ADAMTS18: variants seen among roughly 807,000 people sequenced by gnomAD.
ADAMTS18 encodes ADAM metallopeptidase with thrombospondin type 1 motif 18.
ADAMTS18 carries 157 observed loss-of-function variants against 165.9 expected under a neutral mutation model. That is an observed-to-expected ratio of 0.95 (90% confidence interval 0.83 to 1.08). The LOEUF (loss-of-function observed/expected upper bound fraction) is 1.08, where lower values mean the gene tolerates loss of function less well. Ranked by LOEUF, ADAMTS18 falls within the 50% of genes least tolerant of loss-of-function variation. The probability of loss-of-function intolerance (pLI) is 0.00; values close to 1 mark genes in which losing one functional copy is unlikely to be tolerated. For missense variants in ADAMTS18, 2,040 were observed against 1,534.0 expected, an observed-to-expected ratio of 1.33 and a Z score of -5.51; for synonymous variants, 782 against 578.2, an observed-to-expected ratio of 1.35 and a Z score of -5.06.
intron 16 of ADAMTS18, among the ~76,000 whole-genome samples, chr16:77,316,415 C>A (rs887945908): frequency 1.3e-5 from 2 of 151,586 alleles, no homozygotes; most frequent in African/African-American, 4.8e-5. Context: ...CCACCATACC[C>A]AGCTAATTTT....
intron 18 of ADAMTS18, among the ~76,000 whole-genome samples, chr16:77,296,429 T>C (rs2055473755): frequency 6.6e-6 from 1 of 152,214 alleles, no homozygotes; most frequent in African/African-American, 2.4e-5. Flanking sequence ...TTTTAAATTC[T>C]TGGACCATTT....
At position 77,293,254 on chromosome 16, in the gene ADAMTS18, G is replaced by T. The variant is rs778665951; in HGVS notation, c.3011C>A (p.Ser1004Tyr). The part of the protein sequence containing the change: ...QWSLGPWSQC[S>Y]KTCGRGVRKR... ...CCTCACCCCTCGTCCACAGGTCTTG[G>T]AACACTTGAGAAGACAAAAAAGTTC... Residue 1004 changes from serine (S) to tyrosine (Y), a missense_variant, in exon 20 of 23, where the codon TCC becomes TAC. Ser to Tyr is a moderately radical substitution (Grantham distance 144). Transcript: ENST00000282849. 1 of 1,613,036 alleles carries T rather than the reference G, an allele frequency of 6.2e-7. No homozygotes were observed. The highest frequency in any genetic ancestry group is 1.3e-5 in the African/African-American group (1 of 74,632).
At position 77,373,135 on chromosome 16, in the gene ADAMTS18, T is replaced by C. The variant is rs1387448194; in HGVS notation, c.496-5412A>G. Among the ~76,000 whole-genome samples, 8 of 152,186 alleles carry C rather than the reference T, an allele frequency of 5.3e-5. No homozygotes were observed. The East Asian group carries it at 1.3e-3, about 26-fold the overall frequency. ...AATTCACTTGGCTTTCTGGTGCTCA[T>C]TGCTGATGTCTCAATTTAAACACCA... On this transcript the variant is annotated intron_variant, in intron 3 of 22. Transcript: ENST00000282849.
At chr16:77,346,708 T>C (rs115530997) in intron 10 of ADAMTS18, among the ~76,000 whole-genome samples, 460 of 152,294 alleles carry the variant, frequency 3.0e-3, no homozygotes, top group African/African-American at 0.011. Flanking sequence ...TATGCCTGAG[T>C]TTATTGCCCA....
At chr16:77,364,016 T>C (rs1434127242) in intron 5 of ADAMTS18, 131 bp from the exon 6 acceptor site, 1 of 1,241,280 alleles carries the variant, frequency 8.1e-7, no homozygotes, top group African/African-American at 1.5e-5. Context: ...TACAATTTCC[T>C]CAAAACTCAA....
chr16:77,332,534 C>T (rs192310865), intron 12 of ADAMTS18, among the ~76,000 whole-genome samples: 1 of 152,122 alleles, frequency 6.6e-6, no homozygotes, highest in African/African-American at 2.4e-5. Flanking sequence ...TACATAAACC[C>T]AAGTCAAATG....
chr16:77,325,719 T>C, intron 13 of ADAMTS18, 147 bp downstream of exon 13: 3 of 755,044 alleles, frequency 4.0e-6, no homozygotes, highest in South Asian at 2.4e-5. Context: ...ACAAAACCCA[T>C]GGAATGAAAC....
intron 10 of ADAMTS18, among the ~76,000 whole-genome samples, chr16:77,350,603 T>C (rs1180014755): frequency 2.0e-5 from 3 of 152,198 alleles, no homozygotes; most frequent in Admixed American, 6.5e-5. Context: ...AGCTAGGTCT[T>C]TGTGACTCCC....
rs143163746 is a variant in ADAMTS18, at chr16:77,432,668, C to T, written c.179-1057G>A. Among the ~76,000 whole-genome samples, 911 of 151,938 alleles carry T rather than the reference C, an allele frequency of 6.0e-3. 9 individuals carry two copies. Among genetic ancestry groups the T allele is most frequent in the Middle Eastern group, 0.051 (15 of 294 alleles). On this transcript the variant is annotated intron_variant, in intron 2 of 22. Transcript: ENST00000282849. ...TGTTTAGAAAGCTGTTGAATAATGA[C>T]GAGGTATGTTTGAGTCACTTGGGTC...
Position 77,283,988 on chromosome 16 carries a change from G to GTTTTCCGTAAAACTTGT in ADAMTS18, c.3617_3633dup (p.Gln1212ThrfsTer41). On this transcript the variant is annotated frameshift_variant, in exon 23 of 23. Coordinates refer to ENST00000282849, the MANE Select transcript of ADAMTS18 (RefSeq NM_199355.4). LOFTEE classifies it high-confidence loss of function. The stretch of plus-strand genomic sequence containing the variant: ...TTCCTTGTGCATGACTTGCAGCATT[G>GTTTTCCGTAAAACTTGT]TTTTCCGTAAAACTTGTGGTTGCAG... 1 of 1,613,880 alleles carries GTTTTCCGTAAAACTTGT rather than the reference G, an allele frequency of 6.2e-7. No individual in the cohort carries two copies. The highest frequency in any genetic ancestry group is 8.5e-7 in the Non-Finnish European group (1 of 1,179,896).
At chr16:77,364,136 A>C in intron 5 of ADAMTS18, 52 bp downstream of exon 5, 1 of 1,609,240 alleles carries the variant, frequency 6.2e-7, no homozygotes, top group Non-Finnish European at 8.5e-7. Context: ...AGAGAATTCC[A>C]TGACATTTAT....
chr16:77,346,364 T>C (rs2056476575), intron 10 of ADAMTS18, among the ~76,000 whole-genome samples: 1 of 152,164 alleles, frequency 6.6e-6, no homozygotes, highest in Non-Finnish European at 1.5e-5. Flanking sequence ...TGGTACAAAG[T>C]AGGCTTCAGT....
intron 2 of ADAMTS18, among the ~76,000 whole-genome samples, chr16:77,433,024 T>C (rs2057756789): frequency 6.6e-6 from 1 of 152,212 alleles, no homozygotes; most frequent in Non-Finnish European, 1.5e-5. Context: ...TATTTTACAA[T>C]AATGGGGGGA....
intron 3 of ADAMTS18, among the ~76,000 whole-genome samples, chr16:77,392,601 G>T (rs768241571): frequency 1.2e-4 from 19 of 152,036 alleles, no homozygotes; most frequent in Admixed American, 2.0e-4. Context: ...GATTCTAAAT[G>T]CCTTTGCCTA....
At chr16:77,424,675 GAGGAGAGA>G (rs1250552163) in intron 3 of ADAMTS18, among the ~76,000 whole-genome samples, 3 of 152,134 alleles carry the variant, frequency 2.0e-5, no homozygotes, top group Non-Finnish European at 4.4e-5. Context: ...CATGTCTGAA[GAGGAGAGA>G]AGCCAGAACA....
In ADAMTS18 at chr16:77,338,519, G is replaced by A. The variant is rs145751441; in HGVS notation, c.1711-2615C>T. Among the ~76,000 whole-genome samples, 271 of 152,032 alleles carry A rather than the reference G, an allele frequency of 1.8e-3. 1 individual carries two copies. The highest frequency in any genetic ancestry group is 6.0e-3 in the African/African-American group (251 of 41,504). On this transcript the variant is annotated intron_variant, in intron 11 of 22. Coordinates refer to ENST00000282849, the MANE Select transcript of ADAMTS18 (RefSeq NM_199355.4). ...CCCAAAGTGCTGAGATTACAGGCATGAGCCACCACGTCCAGGCCCAGCATA... is the reference window on the plus strand; with the variant it reads ...CCCAAAGTGCTGAGATTACAGGCATAAGCCACCACGTCCAGGCCCAGCATA...
At chr16:77,386,113 T>G (rs1346705046) in intron 3 of ADAMTS18, among the ~76,000 whole-genome samples, 2 of 152,208 alleles carry the variant, frequency 1.3e-5, no homozygotes, top group Non-Finnish European at 2.9e-5. Context: ...TTGGGATGTA[T>G]GTAACTTGCC....
At chr16:77,409,849 C>A (rs563426484) in intron 3 of ADAMTS18, among the ~76,000 whole-genome samples, 1 of 152,018 alleles carries the variant, frequency 6.6e-6, no homozygotes, top group Non-Finnish European at 1.5e-5. Flanking sequence ...TGTATAGAGA[C>A]GTTTATAATC....
chr16:77,362,347 CA>C, intron 6 of ADAMTS18, 83 bp from the exon 7 acceptor site: 1 of 1,472,326 alleles, frequency 6.8e-7, no homozygotes, highest in African/African-American at 1.4e-5. Flanking sequence ...CAGGCAAACA[CA>C]GAAACATATT....
Sources: allele counts gnomAD v4.1 joint callset (sites outside exome capture counted in the v4.1 genomes callset), GRCh38; gene constraint gnomAD v4.1.1; transcripts MANE v1.5; gene names NCBI Gene and HGNC (gene_info 2026-07-23, HGNC 2026-07-21).